SZT2: variants seen among roughly 807,000 people sequenced by gnomAD.
The protein encoded by SZT2 is KICSTOR complex protein SZT2.
SZT2 carries 216 observed loss-of-function variants against 404.2 expected under a neutral mutation model. The observed-to-expected ratio is 0.53, with a 90% CI of 0.48 to 0.60. SZT2 has a LOEUF of 0.60. SZT2 is among the 20% of genes least tolerant of loss of function. The pLI is 0.00. For missense variants in SZT2, 3,857 were observed against 4,459.2 expected (o/e 0.86, Z 3.85); for synonymous variants, 1,693 against 1,749.9 (o/e 0.97, Z 0.81).
Position 43,453,704 on chromosome 1 carries a change from C to G in SZT2, c.*3224C>G, listed in dbSNP as rs1396964889. Reference sequence around the variant, plus strand: ...AGGCCACCTCGACGGCCTCGAAGCCCGAGCTGCCCGCGGCCCGCACCCGCG... The same window carrying G: ...AGGCCACCTCGACGGCCTCGAAGCCGGAGCTGCCCGCGGCCCGCACCCGCG... On this transcript the variant is annotated 3_prime_UTR_variant, in exon 72 of 72. Transcript: ENST00000634258. The G allele has an allele frequency of 5.6e-6, 8 of 1,421,138 alleles. No individual in the cohort carries two copies. Among genetic ancestry groups the G allele is most frequent in the Non-Finnish European group, 7.3e-6 (8 of 1,097,354 alleles). The allele number at this position is 1,421,138 out of a possible 1,614,324, so 88.0% of individuals were successfully genotyped here.
chr1:43,404,012 C>G, intron 3 of SZT2: 1 of 553,304 alleles, frequency 1.8e-6, no homozygotes. Context: ...GAGTTCGAGA[C>G]TAGCCTGGGC....
Position 43,437,716 on chromosome 1 carries a change from A to G in SZT2, c.6396+16A>G. The G allele has an allele frequency of 6.2e-7, 1 of 1,613,166 alleles. No homozygotes were observed. The highest frequency in any genetic ancestry group is 2.2e-5 in the East Asian group (1 of 44,828). ...GGAAGCCTCGGCATGTATCACTCCC[A>G]CTCTCTGATGCCCCTGTGTTCCTCT... On this transcript the variant is annotated intron_variant, in intron 45 of 71. Transcript: ENST00000634258. This position sits in a 1 kb window ranked among gnomAD's most constrained non-coding sequence, Gnocchi z 5.3.
Position 43,425,603 on chromosome 1 carries a change from G to A in SZT2, c.2775G>A (p.Lys925=), listed in dbSNP as rs1055395161. Residue 925 remains lysine, a synonymous_variant, in exon 19 of 72, where the codon AAG becomes AAA. Transcript: ENST00000634258. This position sits in a 1 kb window ranked among gnomAD's most constrained non-coding sequence, Gnocchi z 4.3. ...GRVGPGPGIW[K]HLQDLTYSEI... The stretch of plus-strand genomic sequence containing the variant: ...TGGGACCTGGCCCTGGAATCTGGAA[G>A]CACCTCCAGGACCTGACGTATTCTG... 3.7e-6 allele frequency: 6 copies of A among 1,614,076 alleles called. No individual in the cohort carries two copies. The African/African-American group carries it at 6.7e-5, about 18-fold the overall frequency.
rs1655124846 is a variant in SZT2 at position 43,442,124 on chromosome 1, C to T, written c.7867C>T (p.Gln2623Ter). 1 of 1,612,906 alleles carries T rather than the reference C, an allele frequency of 6.2e-7. No homozygotes were observed. The highest frequency in any genetic ancestry group is 8.5e-7 in the Non-Finnish European group (1 of 1,179,776). The change falls in exon 56 of 72, where the codon CAG (glutamine) becomes TAG (stop). Residue 2623 changes from glutamine (Q) to a stop codon, truncating the protein, a stop_gained. Transcript: ENST00000634258. LOFTEE classifies it high-confidence loss of function. The surrounding 1 kb of genome is among the most constrained non-coding windows in gnomAD (Gnocchi z 4.5). ...CTTCTTGCAGTGGAGGAGACCAACA[C>T]AGCAGGGTGAGGGCATGGCCCGGGG... is the stretch of plus-strand genomic sequence containing the variant. Reference protein sequence around the residue: ...RNFLQWRRPTQQAAKAMQRFE... With the variant: ...RNFLQWRRPT
chr1:43,438,614 C>G lies in SZT2; in HGVS notation c.6509-85C>G, dbSNP rs545847803. ...CACTGCCTCTAGTATACAGGGGATT[C>G]TTTGAGTTTGGCATGATAGGGCTGC... On this transcript the variant is annotated intron_variant, in intron 46 of 71. Transcript: ENST00000634258. The G allele has an allele frequency of 2.3e-6, 3 of 1,304,000 alleles. No homozygotes were observed. The East Asian group carries it at 7.3e-5, about 32-fold the overall frequency. 80.8% of individuals were successfully genotyped at this position (1,304,000 alleles called of 1,614,324 possible). A position where few individuals can be genotyped will look rare whatever the true frequency, so the allele number is the denominator to read the frequency against.
intron 6 of SZT2, 66 bp downstream of exon 6, chr1:43,416,167 A>G: frequency 6.4e-7 from 1 of 1,555,844 alleles, no homozygotes; most frequent in Non-Finnish European, 8.7e-7. Context: ...GCTGACTGCT[A>G]ACAAAGATAG....
chr1:43,445,968 C>G lies in SZT2; in HGVS notation c.8900C>G (p.Thr2967Ser), dbSNP rs1306643033. Reference sequence around the variant, plus strand: ...TCCTTCTCCTGCCCTAAAACCAAGACTGATGGGAGCCCCAAGGTAACTTGT... The same window carrying G: ...TCCTTCTCCTGCCCTAAAACCAAGAGTGATGGGAGCCCCAAGGTAACTTGT... ...RGSFSCPKTK[T>S]DGSPKSTSSP... The change falls in exon 63 of 72, where the codon ACT (threonine) becomes AGT (serine). Residue 2967 changes from threonine to serine, a missense_variant. Thr to Ser is a moderately conservative substitution (Grantham distance 58). Around this residue, in one of 7 missense-constraint regions of SZT2, gnomAD observed 717 missense variants for 868.2 expected, o/e 0.83. Coordinates refer to ENST00000634258, the MANE Select transcript of SZT2 (RefSeq NM_001365999.1). The G allele has an allele frequency of 6.2e-7, 1 of 1,614,154 alleles. No homozygotes were observed. Among genetic ancestry groups the G allele is most frequent in the Non-Finnish European group, 8.5e-7 (1 of 1,180,014 alleles).
In SZT2 at chr1:43,446,207, A is replaced by G. The variant is rs767151841; in HGVS notation, c.8945A>G (p.His2982Arg). 2 of 1,614,156 alleles carry G rather than the reference A, an allele frequency of 1.2e-6. No homozygotes were observed. The highest frequency in any genetic ancestry group is 1.7e-5 in the Admixed American group (1 of 60,022). ...KSTSSPVTTY[H>R]LQRALPGGII... is the part of the protein sequence containing the mutation. ...ACTAGCTCTCCGGTAACCACCTACC[A>G]CCTGCAGCGGGCACTGCCTGGGGGC... is the stretch of plus-strand genomic sequence containing the variant. Residue 2982 changes from histidine (H) to arginine (R), a missense_variant, in exon 64 of 72, where the codon CAC becomes CGC. By Grantham distance (29) the His-to-Arg change is conservative. Around this residue, in one of 7 missense-constraint regions of SZT2, gnomAD observed 717 missense variants for 868.2 expected, o/e 0.83. Coordinates refer to ENST00000634258, the MANE Select transcript of SZT2 (RefSeq NM_001365999.1).
chr1:43,423,306 C>T lies in SZT2; in HGVS notation c.2245C>T (p.Leu749=). Residue 749 remains leucine (L), a synonymous_variant, in exon 15 of 72, where the codon CTG becomes TTG. Transcript: ENST00000634258. ...GGTCCTGCATAAGCCACTGGACAAA[C>T]TGCTCATCAGGTTGGTACAGAGGTG... ...LVVLHKPLDK[L]LIRYEKLPLD... 1 of 1,540,030 alleles carries T rather than the reference C, an allele frequency of 6.5e-7. No homozygotes were observed. Among genetic ancestry groups the T allele is most frequent in the Non-Finnish European group, 8.7e-7 (1 of 1,151,956 alleles).
intron 65 of SZT2, chr1:43,446,650 A>G: frequency 1.6e-6 from 1 of 634,972 alleles, no homozygotes; most frequent in Admixed American, 2.8e-5. Flanking sequence ...CTGAGGCAGC[A>G]CAGTGCCTGG....
At position 43,420,715 on chromosome 1, in the gene SZT2, C is replaced by T. The variant is rs751086779; in HGVS notation, c.1262-34C>T. Reference sequence around the variant, plus strand: ...CGATCCCAGGCCTAGAGTCCTATGCCTTCTCCTAACTGGCCCTTCCGCTTC... The same window carrying T: ...CGATCCCAGGCCTAGAGTCCTATGCTTTCTCCTAACTGGCCCTTCCGCTTC... On this transcript the variant is annotated intron_variant, in intron 9 of 71. Transcript: ENST00000634258. The surrounding 1 kb of genome is among the most constrained non-coding windows in gnomAD (Gnocchi z 5.1). 1 of 1,587,766 alleles carries T rather than the reference C, an allele frequency of 6.3e-7. No individual in the cohort carries two copies. Among genetic ancestry groups the T allele is most frequent in the South Asian group, 1.1e-5 (1 of 90,784 alleles).
intron 14 of SZT2, 75 bp downstream of exon 14, chr1:43,422,958 G>A: frequency 6.7e-7 from 1 of 1,501,390 alleles, no homozygotes; most frequent in Non-Finnish European, 9.0e-7. Flanking sequence ...AAACCCCACA[G>A]GGCCAGGTCT....
chr1:43,426,209 A>G lies in SZT2; in HGVS notation c.3043+58A>G. 1 of 1,575,446 alleles carries G rather than the reference A, an allele frequency of 6.3e-7. No homozygotes were observed. The highest frequency in any genetic ancestry group is 8.7e-7 in the Non-Finnish European group (1 of 1,154,210). On this transcript the variant is annotated intron_variant, in intron 21 of 71. Transcript: ENST00000634258. This position sits in a 1 kb window ranked among gnomAD's most constrained non-coding sequence, Gnocchi z 4.9. ...CTAAAGGGCCAGCAAGCCTGGAAGTATTAGAAAATAACAAACAGATGGGTC... is the reference window on the plus strand; with the variant it reads ...CTAAAGGGCCAGCAAGCCTGGAAGTGTTAGAAAATAACAAACAGATGGGTC...
chr1:43,450,591 A>G lies in SZT2; in HGVS notation c.*111A>G. The G allele has an allele frequency of 1.4e-6, 2 of 1,454,166 alleles. No individual in the cohort carries two copies. The highest frequency in any genetic ancestry group is 2.5e-5 in the South Asian group (2 of 79,842). The allele number at this position is 1,454,166 out of a possible 1,614,324, so 90.1% of individuals were successfully genotyped here. A position where few individuals can be genotyped will look rare whatever the true frequency, so the allele number is the denominator to read the frequency against. On this transcript the variant is annotated 3_prime_UTR_variant, in exon 72 of 72. Coordinates refer to ENST00000634258, the MANE Select transcript of SZT2 (RefSeq NM_001365999.1). This position sits in a 1 kb window ranked among gnomAD's most constrained non-coding sequence, Gnocchi z 4.3. ...TTCTGGGCCCCAGGGCAAGCCAGAC[A>G]CTGAGTGACACCAAAGGCTTTGTAA...
Position 43,442,132 on chromosome 1 carries a change from T to C in SZT2, c.7873+2T>C, listed in dbSNP as rs1655125488. On this transcript the variant is annotated splice_donor_variant, in intron 56 of 71. Coordinates refer to ENST00000634258, the MANE Select transcript of SZT2 (RefSeq NM_001365999.1). LOFTEE classifies it high-confidence loss of function. The surrounding 1 kb of genome is among the most constrained non-coding windows in gnomAD (Gnocchi z 4.5). ...AGTGGAGGAGACCAACACAGCAGGG[T>C]GAGGGCATGGCCCGGGGGGGCGGGG... 1 of 1,458,040 alleles carries C rather than the reference T, an allele frequency of 6.9e-7. No individual in the cohort carries two copies. Among genetic ancestry groups the C allele is most frequent in the Non-Finnish European group, 9.3e-7 (1 of 1,079,682 alleles). The allele number at this position is 1,458,040 out of a possible 1,614,324, so 90.3% of individuals were successfully genotyped here. A position where few individuals can be genotyped will look rare whatever the true frequency, so the allele number is the denominator to read the frequency against.
At position 43,422,113 on chromosome 1, in the gene SZT2, T is replaced by C. The variant is rs1320395466; in HGVS notation, c.1657T>C (p.Ser553Pro). The stretch of plus-strand genomic sequence containing the variant: ...CTCCCTCCAGCCCAGTGGTTCTGAC[T>C]CATCCCATGCCCAGTTTGCTGCCTA... ...VLSLQPSGSDSSHAQFAAYWK... is the reference protein window; with the variant it reads ...VLSLQPSGSDPSHAQFAAYWK... The change falls in exon 12 of 72, where the codon TCA becomes CCA. Residue 553 changes from serine (S) to proline (P), a missense_variant. Coordinates refer to ENST00000634258, the MANE Select transcript of SZT2 (RefSeq NM_001365999.1). 1 of 1,597,860 alleles carries C rather than the reference T, an allele frequency of 6.3e-7. No homozygotes were observed. The highest frequency in any genetic ancestry group is 8.5e-7 in the Non-Finnish European group (1 of 1,179,418).
intron 40 of SZT2, among the ~76,000 whole-genome samples, chr1:43,433,884 G>A (rs896268505): frequency 1.1e-4 from 17 of 152,160 alleles, no homozygotes; most frequent in African/African-American, 2.4e-4. Context: ...ATAACCCTAC[G>A]GCGTATTAAT....
Position 43,425,298 on chromosome 1 carries a change from T to A in SZT2, c.2645+91T>A. The A allele has an allele frequency of 6.5e-7, 1 of 1,546,570 alleles. No homozygotes were observed. Among genetic ancestry groups the A allele is most frequent in the Non-Finnish European group, 8.8e-7 (1 of 1,129,966 alleles). On this transcript the variant is annotated intron_variant, in intron 18 of 71. Transcript: ENST00000634258. The surrounding 1 kb of genome is among the most constrained non-coding windows in gnomAD (Gnocchi z 4.3). ...GTCTGGCTCCCATATCCTGAGATGA[T>A]CTTGATCCCAAAGTCAGGGAGGGGG...
chr1:43,397,399 C>T (rs1242429154), intron 1 of SZT2, among the ~76,000 whole-genome samples: 1 of 149,924 alleles, frequency 6.7e-6, no homozygotes, highest in Non-Finnish European at 1.5e-5. Context: ...GCACTCCAGC[C>T]TGGGTGACAG....
Sources: gnomAD v4.1 joint callset for allele counts (sites outside exome capture counted in the v4.1 genomes callset) on GRCh38, gnomAD v4.1.1 for gene constraint, gnomAD v4.1.1 regional missense constraint, Gnocchi (gnomAD v3.1) non-coding constraint, MANE v1.5 for transcripts, NCBI Gene and HGNC (gene_info 2026-07-23, HGNC 2026-07-21) for gene names.